Variants in BDP1 observed in about 807,000 individuals in gnomAD.
BDP1 encodes BDP1 general transcription factor IIIB subunit.
Under a neutral mutation model 266.6 loss-of-function variants are expected in BDP1, and 169 were observed. The observed-to-expected ratio is 0.63, with a 90% CI of 0.56 to 0.72. The LOEUF (loss-of-function observed/expected upper bound fraction) is 0.72, where lower values mean the gene tolerates loss of function less well. BDP1 is among the 30% of genes least tolerant of loss of function. The pLI, the probability that BDP1 is intolerant of heterozygous loss-of-function variation, is 0.00. For synonymous variants in BDP1, 1,090 were observed against 1,022.4 expected (o/e 1.07, Z -1.26); for missense variants, 3,015 against 3,053.8 (o/e 0.99, Z 0.30).
chr5:71,468,646 G>A (rs1017066179), intron 6 of BDP1, among the ~76,000 whole-genome samples: 5 of 132,714 alleles, frequency 3.8e-5, no homozygotes, highest in African/African-American at 8.5e-5. Context: ...CGCTCTTGTC[G>A]CCTAGGCTGG....
intron 25 of BDP1, among the ~76,000 whole-genome samples, chr5:71,531,215 C>T (rs1350811831): frequency 6.6e-6 from 1 of 152,068 alleles, no homozygotes; most frequent in Non-Finnish European, 1.5e-5. Flanking sequence ...CATCATCGCA[C>T]CACCGCAGCT....
At chr5:71,538,332 C>G (rs1337809466) in intron 26 of BDP1, among the ~76,000 whole-genome samples, 1 of 152,220 alleles carries the variant, frequency 6.6e-6, no homozygotes, top group South Asian at 2.1e-4. Flanking sequence ...CAGGTGGGAC[C>G]TTGGGGACTG....
chr5:71,524,132 T>C lies in BDP1; in HGVS notation c.5581T>C (p.Ser1861Pro). The change falls in exon 25 of 39, where the codon TCC becomes CCC. Residue 1861 changes from serine (S) to proline (P), a missense_variant. Physicochemically the swap from Ser to Pro is moderately conservative, Grantham distance 74. Transcript: ENST00000358731. ...GACCTCTAAGAAGGAACCTAGAGCT[T>C]CCAAGGCCATGCTGGTGACTCTTCG... is the stretch of plus-strand genomic sequence containing the variant. ...GKTSKKEPRA[S>P]KAMLVTLRAS... 6.2e-7 allele frequency: 1 copy of C among 1,614,134 alleles called. No individual in the cohort carries two copies. Among genetic ancestry groups the C allele is most frequent in the Non-Finnish European group, 8.5e-7 (1 of 1,180,036 alleles).
chr5:71,475,609 A>G (rs1448417973), intron 7 of BDP1, among the ~76,000 whole-genome samples: 3 of 152,244 alleles, frequency 2.0e-5, no homozygotes, highest in Non-Finnish European at 2.9e-5. Flanking sequence ...TAGGAAAACC[A>G]GGATTGGTCA....
chr5:71,473,516 G>A (rs561456951), intron 7 of BDP1, among the ~76,000 whole-genome samples: 4 of 151,698 alleles, frequency 2.6e-5, no homozygotes, highest in African/African-American at 7.3e-5. Context: ...CTTGTGATCC[G>A]CCTGCCTCGG....
At chr5:71,495,434 AT>A in intron 12 of BDP1, 26 bp downstream of exon 12, 2 of 1,485,540 alleles carry the variant, frequency 1.3e-6, no homozygotes, top group East Asian at 2.3e-5. Context: ...GATAGGATTT[AT>A]TTATAAAATT....
chr5:71,533,228 G>A (rs1354354590), intron 26 of BDP1, among the ~76,000 whole-genome samples: 1 of 152,092 alleles, frequency 6.6e-6, no homozygotes, highest in East Asian at 1.9e-4. Context: ...ACATAATGCT[G>A]CTGTAAACAT....
In BDP1 at chr5:71,510,872, A is replaced by C. The variant is rs1212384195; in HGVS notation, c.3780A>C (p.Arg1260Ser). Reference sequence around the variant, plus strand: ...TTGATTTGAAAGAAACTGGAAAAAGAGACATTCCCATCATGGAGAAAGTAT... The same window carrying C: ...TTGATTTGAAAGAAACTGGAAAAAGCGACATTCCCATCATGGAGAAAGTAT... ...KEIDLKETGK[R>S]DIPIMEKVSG... Residue 1260 changes from arginine (R) to serine (S), a missense_variant, in exon 17 of 39, where the codon AGA (arginine) becomes AGC (serine). Physicochemically the swap from Arg to Ser is moderately radical, Grantham distance 110 (BLOSUM62 -1). Transcript: ENST00000358731. 6.2e-7 allele frequency: 1 copy of C among 1,613,618 alleles called. No homozygotes were observed. The highest frequency in any genetic ancestry group is 8.5e-7 in the Non-Finnish European group (1 of 1,179,750).
rs1765649152 is a variant in BDP1 at position 71,524,152 on chromosome 5, T to G, written c.5601T>G (p.Thr1867=). 1.9e-6 allele frequency: 3 copies of G among 1,614,112 alleles called. No homozygotes were observed. The African/African-American group carries it at 4.0e-5, about 22-fold the overall frequency. The change falls in exon 25 of 39, where the codon ACT becomes ACG. Residue 1867 remains threonine (T), a synonymous_variant. Coordinates refer to ENST00000358731, the MANE Select transcript of BDP1 (RefSeq NM_018429.3). ...GAGCTTCCAAGGCCATGCTGGTGACTCTTCGGGCTTCCCAGGAAGAAGATG... is the reference window on the plus strand; with the variant it reads ...GAGCTTCCAAGGCCATGCTGGTGACGCTTCGGGCTTCCCAGGAAGAAGATG... The part of the protein sequence containing the change: ...EPRASKAMLV[T]LRASQEEDDD...
At chr5:71,505,623 C>A (rs896141562) in intron 16 of BDP1, among the ~76,000 whole-genome samples, 2 of 152,136 alleles carry the variant, frequency 1.3e-5, no homozygotes, top group African/African-American at 4.8e-5. Flanking sequence ...ACCTGCTGTC[C>A]AGTTTCAGTA....
At chr5:71,523,021 G>A (rs1765588527) in intron 24 of BDP1, 72 bp downstream of exon 24, 4 of 1,364,338 alleles carry the variant, frequency 2.9e-6, no homozygotes, top group Admixed American at 5.4e-5. Context: ...TAACTTACTG[G>A]TAGAACAAAA....
chr5:71,546,175 T>C (rs202174733), intron 32 of BDP1, among the ~76,000 whole-genome samples: 1 of 152,216 alleles, frequency 6.6e-6, no homozygotes, highest in African/African-American at 2.4e-5. Flanking sequence ...ACCCTGACTT[T>C]TTAATTTTTA....
intron 8 of BDP1, 30 bp from the exon 9 acceptor site, chr5:71,486,454 T>C (rs765288576): frequency 3.2e-5 from 49 of 1,525,040 alleles, no homozygotes; most frequent in Non-Finnish European, 3.8e-5. Context: ...AAATAAAAAC[T>C]TGAAAGTTCT....
intron 1 of BDP1, 59 bp downstream of exon 1, chr5:71,456,148 G>A (rs1761172253): frequency 2.7e-6 from 4 of 1,502,556 alleles, no homozygotes; most frequent in Non-Finnish European, 3.6e-6. Context: ...CATGTCACCT[G>A]GAAGCTGAGC....
chr5:71,458,648 A>G lies in BDP1; in HGVS notation c.282A>G (p.Arg94=). The G allele has an allele frequency of 6.2e-7, 1 of 1,613,788 alleles. No individual in the cohort carries two copies. The highest frequency in any genetic ancestry group is 8.5e-7 in the Non-Finnish European group (1 of 1,179,698). ...GATCTTCCTCTACTGTTTCACAGAG[A>G]AGAAAGCGAATATCAAGTACTTCTA... ...SSRSSSTVSQ[R]RKRISSTSSL... is the part of the protein sequence containing the mutation. The change falls in exon 2 of 39, where the codon AGA becomes AGG. Residue 94 remains arginine, a synonymous_variant. Coordinates refer to ENST00000358731, the MANE Select transcript of BDP1 (RefSeq NM_018429.3).
intron 16 of BDP1, among the ~76,000 whole-genome samples, chr5:71,506,806 CACACACACACACACA>C (rs1764607137): frequency 4.3e-5 from 6 of 139,226 alleles, no homozygotes; most frequent in Middle Eastern, 3.5e-3. Flanking sequence ...CACACACACA[CACACACACACACACA>C]CACCCATATT....
intron 7 of BDP1, among the ~76,000 whole-genome samples, chr5:71,482,023 G>A (rs1017572541): frequency 2.6e-5 from 4 of 152,142 alleles, no homozygotes; most frequent in African/African-American, 9.7e-5. Context: ...TATTAATGAG[G>A]TCTTTCCATT....
intron 26 of BDP1, among the ~76,000 whole-genome samples, chr5:71,533,907 T>C (rs1766421114): frequency 6.6e-6 from 1 of 152,238 alleles, no homozygotes. Context: ...GAAATGTCTA[T>C]TCAAATCTTT....
chr5:71,458,546 T>C (rs373347961), intron 1 of BDP1, 33 bp from the exon 2 acceptor site: 5 of 1,525,604 alleles, frequency 3.3e-6, no homozygotes, highest in Non-Finnish European at 4.4e-6. Context: ...AGAAGATTCA[T>C]GTGCCCTCTT....
Sources: gnomAD v4.1 joint callset for allele counts (sites outside exome capture counted in the v4.1 genomes callset) on GRCh38, gnomAD v4.1.1 for gene constraint, MANE v1.5 for transcripts, NCBI Gene and HGNC (gene_info 2026-07-23, HGNC 2026-07-21) for gene names.